ANKDD1B: variants seen among roughly 807,000 people sequenced by gnomAD.
The protein encoded by ANKDD1B is ankyrin repeat and death domain-containing protein 1B.
A neutral mutation model predicts 59.7 loss-of-function variants in ANKDD1B; 57 were observed. The observed-to-expected ratio is 0.95, with a 90% confidence interval of 0.77 to 1.19. ANKDD1B has a LOEUF of 1.19. Ranked by LOEUF, ANKDD1B falls within the 50% of genes most tolerant of loss-of-function variation. The pLI is 0.00. For synonymous variants in ANKDD1B, 216 were observed against 239.5 expected (o/e 0.90, Z 0.91); for missense variants, 602 against 641.9 (o/e 0.94, Z 0.67).
At chr5:75,659,482 T>C (rs1156948879) in intron 10 of ANKDD1B, 101 bp downstream of exon 10, 3 of 853,292 alleles carry the variant, frequency 3.5e-6, no homozygotes, top group African/African-American at 1.7e-5. Context: ...CTTTGTGAAA[T>C]GGGCACAAAC....
chr5:75,627,620 C>T (rs1328123147), intron 5 of ANKDD1B, among the ~76,000 whole-genome samples: 2 of 152,198 alleles, frequency 1.3e-5, no homozygotes, highest in South Asian at 4.1e-4. Flanking sequence ...GAAGTTGAAT[C>T]TTCCTAATTT....
chr5:75,620,602 C>G (rs941535418), intron 3 of ANKDD1B, among the ~76,000 whole-genome samples, 189 bp downstream of exon 3: 1 of 152,050 alleles, frequency 6.6e-6, no homozygotes, highest in African/African-American at 2.4e-5. Context: ...AAATTGTTTC[C>G]CCTTTACCTA....
chr5:75,619,553 A>AT (rs987943731), intron 2 of ANKDD1B, among the ~76,000 whole-genome samples: 3 of 152,100 alleles, frequency 2.0e-5, no homozygotes, highest in African/African-American at 4.8e-5. Context: ...AATGGTTCTC[A>AT]TTTTTTTATT....
chr5:75,634,293 A>G (rs139865654), intron 5 of ANKDD1B, among the ~76,000 whole-genome samples: 1 of 152,146 alleles, frequency 6.6e-6, no homozygotes, highest in Non-Finnish European at 1.5e-5. Flanking sequence ...ATTTCTCTTC[A>G]TCTGTATTCT....
chr5:75,611,904 A>G, intron 1 of ANKDD1B, 77 bp downstream of exon 1: 1 of 1,154,814 alleles, frequency 8.7e-7, no homozygotes, highest in Non-Finnish European at 1.1e-6. Flanking sequence ...AGGTACCCAG[A>G]GCAGCACCTC....
chr5:75,666,839 A>G lies in ANKDD1B; in HGVS notation c.1239A>G (p.Thr413=). ...IRDPSTGFTL[T]FKQDHSLETR... is the part of the protein sequence containing the mutation. ...ACCCGTCAACAGGCTTTACTCTGAC[A>G]TTCAAGCAAGATCACAGTCTGGAGA... Residue 413 remains threonine, a synonymous_variant, in exon 12 of 14, where the codon ACA becomes ACG. Coordinates refer to ENST00000601380, the MANE Select transcript of ANKDD1B (RefSeq NM_001276713.2). 2 of 1,536,100 alleles carry G rather than the reference A, an allele frequency of 1.3e-6. No homozygotes were observed. The highest frequency in any genetic ancestry group is 2.4e-5 in the East Asian group (1 of 40,924).
intron 10 of ANKDD1B, among the ~76,000 whole-genome samples, chr5:75,661,095 C>A (rs149211509): frequency 2.0e-4 from 29 of 146,152 alleles, no homozygotes; most frequent in African/African-American, 7.4e-4. Flanking sequence ...TTTTTCTGAT[C>A]ATAAAAAAAG....
chr5:75,670,233 CTT>C (rs1300032468), intron 13 of ANKDD1B, among the ~76,000 whole-genome samples: 2 of 152,184 alleles, frequency 1.3e-5, no homozygotes, highest in East Asian at 3.9e-4. Context: ...CATGAATTAT[CTT>C]GTTTTTATTA....
Position 75,671,369 on chromosome 5 carries a change from AACAAGG to A in ANKDD1B, c.*330_*335del. On this transcript the variant is annotated 3_prime_UTR_variant, in exon 14 of 14. Coordinates refer to ENST00000601380, the MANE Select transcript of ANKDD1B (RefSeq NM_001276713.2). ...GAGCAGCATCATGGTACAGTAAAAA[AACAAGG>A]GTTTTTATAATAGACAAATATGGTT... 5.4e-6 allele frequency: 1 copy of A among 184,360 alleles called. No individual in the cohort carries two copies. Among genetic ancestry groups the A allele is most frequent in the East Asian group, 1.3e-4 (1 of 7,824 alleles). 11.4% of individuals were successfully genotyped at this position (184,360 alleles called of 1,614,324 possible).
At chr5:75,667,970 CAT>C (rs1381428397) in intron 12 of ANKDD1B, among the ~76,000 whole-genome samples, 1 of 152,136 alleles carries the variant, frequency 6.6e-6, no homozygotes, top group Non-Finnish European at 1.5e-5. Context: ...GTATTGAAAA[CAT>C]TGAATACTAA....
At chr5:75,635,633 TCACTTAAAACTG>T (rs749245935) in intron 6 of ANKDD1B, 139 bp from the exon 7 acceptor site, 23 of 418,500 alleles carry the variant, frequency 5.5e-5, no homozygotes, top group Non-Finnish European at 8.4e-5. Flanking sequence ...TGTATAAATT[TCACTTAAAACTG>T]CAGATACAGT....
chr5:75,662,077 G>A (rs917920359), intron 10 of ANKDD1B, among the ~76,000 whole-genome samples: 4 of 151,860 alleles, frequency 2.6e-5, no homozygotes, highest in African/African-American at 7.3e-5. Flanking sequence ...TTCTATCCAC[G>A]CTACCTCCCA....
At position 75,653,095 on chromosome 5, in the gene ANKDD1B, G is replaced by A. The variant is rs774459901; in HGVS notation, c.799-47G>A. ...TGTCATAAACACCAGAAAACATGCTGAATTATAATGAGAGTTCCTCCTTGC... is the reference window on the plus strand; with the variant it reads ...TGTCATAAACACCAGAAAACATGCTAAATTATAATGAGAGTTCCTCCTTGC... On this transcript the variant is annotated intron_variant, in intron 7 of 13. Coordinates refer to ENST00000601380, the MANE Select transcript of ANKDD1B (RefSeq NM_001276713.2). 1.0e-5 allele frequency: 13 copies of A among 1,297,574 alleles called. No individual in the cohort carries two copies. In the South Asian group the frequency reaches 1.1e-4, roughly 11 times the overall value. 80.4% of individuals were successfully genotyped at this position (1,297,574 alleles called of 1,614,324 possible). A position where few individuals can be genotyped will look rare whatever the true frequency, so the allele number is the denominator to read the frequency against.
Position 75,611,609 on chromosome 5 carries a change from T to G in ANKDD1B, c.-26T>G. ...CTGGGTCCGAGTCTGGGTCTGGCCCTGCGCTCAGGGCCCGCGGAGGAGACT... is the reference window on the plus strand; with the variant it reads ...CTGGGTCCGAGTCTGGGTCTGGCCCGGCGCTCAGGGCCCGCGGAGGAGACT... On this transcript the variant is annotated 5_prime_UTR_variant, in exon 1 of 14. Transcript: ENST00000601380. The G allele has an allele frequency of 8.1e-7, 1 of 1,230,578 alleles. No homozygotes were observed. The highest frequency in any genetic ancestry group is 3.2e-5 in the East Asian group (1 of 31,592). 76.2% of individuals were successfully genotyped at this position (1,230,578 alleles called of 1,614,324 possible). A position where few individuals can be genotyped will look rare whatever the true frequency, so the allele number is the denominator to read the frequency against.
chr5:75,622,922 T>A (rs749666191), intron 3 of ANKDD1B, among the ~76,000 whole-genome samples: 11 of 152,192 alleles, frequency 7.2e-5, no homozygotes, highest in Non-Finnish European at 1.3e-4. Flanking sequence ...TTTTAGAGAC[T>A]CAAGTTGATT....
At chr5:75,638,152 T>C (rs1227066134) in intron 7 of ANKDD1B, among the ~76,000 whole-genome samples, 1 of 152,228 alleles carries the variant, frequency 6.6e-6, no homozygotes, top group Non-Finnish European at 1.5e-5. Context: ...CTTAGTTATT[T>C]ATAGTCTTAG....
intron 8 of ANKDD1B, 97 bp downstream of exon 8, chr5:75,653,337 G>A (rs1774879328): frequency 1.3e-6 from 1 of 775,872 alleles, no homozygotes; most frequent in Non-Finnish European, 2.1e-6. Flanking sequence ...GAGATGAGAT[G>A]TTTCACAAGG....
At chr5:75,617,061 AG>A (rs1773734600) in intron 2 of ANKDD1B, among the ~76,000 whole-genome samples, 154 bp downstream of exon 2, 1 of 152,166 alleles carries the variant, frequency 6.6e-6, no homozygotes, top group Admixed American at 6.5e-5. Flanking sequence ...TTAAGCTAAA[AG>A]GTGGAGTCAA....
intron 1 of ANKDD1B, among the ~76,000 whole-genome samples, chr5:75,612,455 C>T (rs1341596253): frequency 6.6e-6 from 1 of 151,004 alleles, no homozygotes; most frequent in East Asian, 1.9e-4. Context: ...TCAGCCTTCC[C>T]AGTACTCAAG....
Sources: allele counts gnomAD v4.1 joint callset (sites outside exome capture counted in the v4.1 genomes callset), GRCh38; gene constraint gnomAD v4.1.1; transcripts MANE v1.5; gene names NCBI Gene and HGNC (gene_info 2026-07-23, HGNC 2026-07-21).